TRPC7: variants seen among roughly 807,000 people sequenced by gnomAD.
The protein encoded by TRPC7 is transient receptor potential cation channel subfamily C member 7, also known as short transient receptor potential channel 7.
In TRPC7, 42 loss-of-function variants were observed where a neutral mutation model predicts 90.1. That is an observed-to-expected ratio of 0.47 (90% CI 0.36 to 0.60). The LOEUF is 0.60. Among genes scored for constraint, TRPC7 ranks in the 20% least tolerant of loss-of-function variants. The pLI is 0.00. For synonymous variants in TRPC7, 451 were observed against 436.3 expected (o/e 1.03, Z -0.42); for missense variants, 955 against 1,112.3 (o/e 0.86, Z 2.01).
In TRPC7 at chr5:136,365,078, A is replaced by C. The variant is rs532116907; in HGVS notation, c.2+175T>G. Among the ~76,000 whole-genome samples, 3 of 152,294 alleles carry C rather than the reference A, an allele frequency of 2.0e-5. No homozygotes were observed. The South Asian group carries it at 6.2e-4, about 32-fold the overall frequency. On this transcript the variant is annotated intron_variant, in intron 1 of 11. Transcript: ENST00000513104. ...ACTTAGACATTCTATAAAAGAAAAA[A>C]AAAATTTCTTCTACCAACTCAACAA... is the stretch of plus-strand genomic sequence containing the variant.
intron 2 of TRPC7, among the ~76,000 whole-genome samples, chr5:136,325,253 T>G (rs931329916): frequency 2.0e-5 from 3 of 152,220 alleles, no homozygotes; most frequent in African/African-American, 7.2e-5. Context: ...GGAGCAGTTA[T>G]GGAAGAGTGG....
At chr5:136,286,216 G>A (rs1392921874) in intron 3 of TRPC7, among the ~76,000 whole-genome samples, 1 of 152,106 alleles carries the variant, frequency 6.6e-6, no homozygotes, top group Non-Finnish European at 1.5e-5. Context: ...TGAGGTAAAC[G>A]GCATTTCCAA....
rs1479346622 is a variant in TRPC7, at chr5:136,339,026, C to A, written c.780+17582G>T. On this transcript the variant is annotated intron_variant, in intron 2 of 11. Coordinates refer to ENST00000513104, the MANE Select transcript of TRPC7 (RefSeq NM_020389.3). ...AATGAGTAATCACTTCCACTGGCAA[C>A]CATTTTCATTCTGCTTAATAACATT... Among the ~76,000 whole-genome samples the A allele has an allele frequency of 2.0e-5, 3 of 152,130 alleles. No individual in the cohort carries two copies. In the East Asian group the frequency reaches 5.8e-4, roughly 29 times the overall value.
chr5:136,296,307 C>G (rs1758169861), intron 3 of TRPC7, among the ~76,000 whole-genome samples: 1 of 152,066 alleles, frequency 6.6e-6, no homozygotes, highest in Admixed American at 6.6e-5. Flanking sequence ...CAGATGAAAC[C>G]AGGTCATTCT....
At chr5:136,235,299 T>G (rs7731706) in intron 7 of TRPC7, among the ~76,000 whole-genome samples, 68,114 of 152,052 alleles carry the variant, frequency 0.45, 15,279 homozygotes, top group East Asian at 0.54. Context: ...TTGATGCTTT[T>G]TATGGTGATT....
chr5:136,313,032 G>C (rs1290863177), intron 3 of TRPC7, among the ~76,000 whole-genome samples: 1 of 139,122 alleles, frequency 7.2e-6, no homozygotes, highest in African/African-American at 2.7e-5. Context: ...CCCCAGGCTG[G>C]TCTCAAACTC....
chr5:136,281,193 G>A (rs344824), intron 3 of TRPC7, among the ~76,000 whole-genome samples: 77,994 of 151,940 alleles, frequency 0.51, 20,584 homozygotes, highest in African/African-American at 0.63. Context: ...CCAAGTCTCT[G>A]TAGAGATAAA....
intron 3 of TRPC7, among the ~76,000 whole-genome samples, chr5:136,306,598 C>A (rs1019346471): frequency 6.6e-6 from 1 of 152,148 alleles, no homozygotes; most frequent in Non-Finnish European, 1.5e-5. Context: ...GCCATCGCAT[C>A]CCCTGTGACT....
intron 5 of TRPC7, among the ~76,000 whole-genome samples, chr5:136,261,166 G>A (rs1756847278): frequency 6.6e-6 from 1 of 152,090 alleles, no homozygotes; most frequent in Admixed American, 6.5e-5. Flanking sequence ...CATAAACACA[G>A]TGCTCAAATC....
intron 4 of TRPC7, among the ~76,000 whole-genome samples, chr5:136,272,137 A>G (rs529587955): frequency 1.3e-4 from 20 of 152,364 alleles, no homozygotes; most frequent in African/African-American, 4.8e-4. Context: ...ATCAAGGTCT[A>G]AGTTTTCAGA....
chr5:136,251,550 G>T, intron 6 of TRPC7, 99 bp downstream of exon 6: 3 of 980,174 alleles, frequency 3.1e-6, no homozygotes, highest in South Asian at 3.3e-5. Flanking sequence ...TGGGCCACTT[G>T]ATTACAAATA....
chr5:136,245,951 T>A (rs1397073164), intron 7 of TRPC7, among the ~76,000 whole-genome samples: 1 of 152,160 alleles, frequency 6.6e-6, no homozygotes, highest in East Asian at 1.9e-4. Context: ...TCTTCCACAC[T>A]CTTCCACTAG....
intron 2 of TRPC7, among the ~76,000 whole-genome samples, chr5:136,340,204 G>A (rs1341323513): frequency 6.6e-6 from 1 of 152,116 alleles, no homozygotes; most frequent in African/African-American, 2.4e-5. Flanking sequence ...TATGATAAGT[G>A]AAATAAGCTA....
chr5:136,360,732 A>T (rs1236175017), intron 1 of TRPC7, among the ~76,000 whole-genome samples: 1 of 152,206 alleles, frequency 6.6e-6, no homozygotes, highest in Non-Finnish European at 1.5e-5. Context: ...GCATATAAGC[A>T]GATAATGGCA....
chr5:136,246,878 A>G (rs1308155491), intron 7 of TRPC7, among the ~76,000 whole-genome samples: 2 of 152,194 alleles, frequency 1.3e-5, no homozygotes, highest in Non-Finnish European at 2.9e-5. Context: ...TACTATTATT[A>G]TCACCATTTT....
At chr5:136,348,594 C>A (rs1760085162) in intron 2 of TRPC7, among the ~76,000 whole-genome samples, 1 of 152,164 alleles carries the variant, frequency 6.6e-6, no homozygotes, top group South Asian at 2.1e-4. Context: ...AGGGCAGGAA[C>A]TTTATCTTGT....
At chr5:136,320,432 C>T (rs1759156727) in intron 2 of TRPC7, among the ~76,000 whole-genome samples, 1 of 152,204 alleles carries the variant, frequency 6.6e-6, no homozygotes, top group Non-Finnish European at 1.5e-5. Flanking sequence ...TAGTCAGATC[C>T]TGGGACTTCT....
intron 2 of TRPC7, among the ~76,000 whole-genome samples, chr5:136,342,852 T>G (rs1022267328): frequency 9.9e-5 from 15 of 152,238 alleles, no homozygotes; most frequent in African/African-American, 2.6e-4. Context: ...CACTTCATCA[T>G]AGGTCACAAA....
chr5:136,340,233 A>C (rs1759802578), intron 2 of TRPC7, among the ~76,000 whole-genome samples: 1 of 152,122 alleles, frequency 6.6e-6, no homozygotes, highest in African/African-American at 2.4e-5. Context: ...CAAATACCAC[A>C]TGATTTTATT....
Sources: gnomAD v4.1 joint callset for allele counts (sites outside exome capture counted in the v4.1 genomes callset) on GRCh38, gnomAD v4.1.1 for gene constraint, MANE v1.5 for transcripts, NCBI Gene and HGNC (gene_info 2026-07-23, HGNC 2026-07-21) for gene names.